The following GRK7 variants were observed in gnomAD, a reference collection of about 807,000 sequenced individuals.
GRK7 encodes the protein rhodopsin kinase GRK7.
In GRK7, 24 loss-of-function variants were observed where a neutral mutation model predicts 34.1. The observed-to-expected ratio is 0.70, with a 90% confidence interval of 0.51 to 0.99. The LOEUF (loss-of-function observed/expected upper bound fraction) is 0.99, where lower values mean the gene tolerates loss of function less well. Ranked by LOEUF, GRK7 falls within the 50% of genes least tolerant of loss-of-function variation. The pLI is 0.00. For missense variants in GRK7, 644 were observed against 707.3 expected, an observed-to-expected ratio of 0.91 and a Z score of 1.02; for synonymous variants, 256 against 279.4, an observed-to-expected ratio of 0.92 and a Z score of 0.84.
rs1286395698 is a variant in GRK7, at chr3:141,770,942, C to T, written c.-214-3638C>T. Among the ~76,000 whole-genome samples, 3 of 149,278 alleles carry T rather than the reference C, an allele frequency of 2.0e-5. No individual in the cohort carries two copies. The Admixed American group carries it at 2.0e-4, about 10-fold the overall frequency. ...AGGGGTCAAGGCTGGCTGCACTAAG[C>T]CGTGATCACACCACTGCACTCCGGC... is the stretch of plus-strand genomic sequence containing the variant. On this transcript the variant is annotated intron_variant, in intron 1 of 5. Coordinates refer to ENST00000682958, the MANE Select transcript of GRK7 (RefSeq NM_139209.3).
intron 4 of GRK7, among the ~76,000 whole-genome samples, chr3:141,792,849 T>C (rs542061889): frequency 6.6e-6 from 1 of 152,218 alleles, no homozygotes; most frequent in East Asian, 1.9e-4. Context: ...GATTAGAGGG[T>C]TAGGACTTTC....
chr3:141,793,719 C>A (rs975820341), intron 4 of GRK7, among the ~76,000 whole-genome samples: 23 of 152,204 alleles, frequency 1.5e-4, no homozygotes, highest in Admixed American at 1.5e-3. Context: ...GAAGGCAGTT[C>A]CCAGGGAGGG....
At chr3:141,804,960 C>A (rs1372994606) in intron 4 of GRK7, among the ~76,000 whole-genome samples, 1 of 150,838 alleles carries the variant, frequency 6.6e-6, no homozygotes, top group African/African-American at 2.4e-5. Flanking sequence ...CACATACACA[C>A]CACACTCACA....
At chr3:141,772,696 G>T (rs1266987046) in intron 1 of GRK7, among the ~76,000 whole-genome samples, 1 of 152,148 alleles carries the variant, frequency 6.6e-6, no homozygotes, top group Non-Finnish European at 1.5e-5. Context: ...GATGCAAAGG[G>T]TAATGAAAGA....
In GRK7 at chr3:141,778,401, G is replaced by A. The variant is rs768833186; in HGVS notation, c.117G>A (p.Leu39=). The change falls in exon 3 of 6, where the codon CTG becomes CTA. Residue 39 remains leucine (L), a synonymous_variant. Coordinates refer to ENST00000682958, the MANE Select transcript of GRK7 (RefSeq NM_139209.3). This position sits in a 1 kb window ranked among gnomAD's most constrained non-coding sequence, Gnocchi z 4.1. ...ELQRRRRSLA[L]PGLQGCAELR... The stretch of plus-strand genomic sequence containing the variant: ...AGCGGCGGCGGCGTAGCCTGGCCCT[G>A]CCCGGGCTGCAGGGCTGCGCGGAGC... The A allele has an allele frequency of 5.0e-6, 8 of 1,612,576 alleles. No individual in the cohort carries two copies. The highest frequency in any genetic ancestry group is 3.3e-4 in the Middle Eastern group (2 of 6,056).
At chr3:141,777,465 C>T (rs1182642601) in intron 2 of GRK7, among the ~76,000 whole-genome samples, 1 of 146,046 alleles carries the variant, frequency 6.8e-6, no homozygotes, top group Non-Finnish European at 1.5e-5. Context: ...GCTGGGACTA[C>T]AGGCGCCCGC....
At chr3:141,787,507 C>G (rs545702689) in intron 4 of GRK7, among the ~76,000 whole-genome samples, 1 of 151,944 alleles carries the variant, frequency 6.6e-6, no homozygotes, top group African/African-American at 2.4e-5. Context: ...ACCTGTAATC[C>G]CAGCTACTCA....
At chr3:141,772,190 G>A (rs1488628404) in intron 1 of GRK7, among the ~76,000 whole-genome samples, 1 of 151,694 alleles carries the variant, frequency 6.6e-6, no homozygotes, top group African/African-American at 2.4e-5. Context: ...CACCTCCCAG[G>A]TTCAAGCAAT....
At chr3:141,801,562 T>G (rs1162842233) in intron 4 of GRK7, among the ~76,000 whole-genome samples, 2 of 152,194 alleles carry the variant, frequency 1.3e-5, no homozygotes, top group Admixed American at 6.5e-5. Flanking sequence ...AATGATTGTA[T>G]GATTTAAGTT....
intron 2 of GRK7, among the ~76,000 whole-genome samples, chr3:141,775,697 C>T (rs1386637823): frequency 6.6e-6 from 1 of 152,064 alleles, no homozygotes; most frequent in East Asian, 1.9e-4. Context: ...TAAAATATCC[C>T]ATTGGCAACT....
chr3:141,770,786 C>T (rs752622703), intron 1 of GRK7, among the ~76,000 whole-genome samples: 5 of 152,004 alleles, frequency 3.3e-5, no homozygotes, highest in Non-Finnish European at 5.9e-5. Context: ...AAAGGGAATG[C>T]TTATACACTT....
chr3:141,788,745 C>A (rs2084708646), intron 4 of GRK7, among the ~76,000 whole-genome samples: 1 of 152,178 alleles, frequency 6.6e-6, no homozygotes, highest in Non-Finnish European at 1.5e-5. Flanking sequence ...ACTCATTCAC[C>A]ATGTCTGCCC....
chr3:141,795,414 C>A (rs2084744119), intron 4 of GRK7, among the ~76,000 whole-genome samples: 2 of 152,224 alleles, frequency 1.3e-5, no homozygotes, highest in South Asian at 4.1e-4. Context: ...CACTTGAAAA[C>A]CCTGGCATAA....
intron 1 of GRK7, among the ~76,000 whole-genome samples, chr3:141,771,897 C>T (rs1238986696): frequency 6.6e-6 from 1 of 151,612 alleles, no homozygotes; most frequent in African/African-American, 2.4e-5. Context: ...ATTGGTCAGG[C>T]TGGTCTCAAA....
chr3:141,815,073 C>T (rs1045857437), intron 5 of GRK7, among the ~76,000 whole-genome samples: 11 of 152,058 alleles, frequency 7.2e-5, no homozygotes, highest in South Asian at 6.3e-4. Flanking sequence ...TACAGGCACA[C>T]TCTGTCACAC....
intron 5 of GRK7, among the ~76,000 whole-genome samples, chr3:141,810,796 C>A (rs532062511): frequency 6.6e-6 from 1 of 152,098 alleles, no homozygotes; most frequent in Non-Finnish European, 1.5e-5. Flanking sequence ...GTCCTGCCTA[C>A]GGGTAAGGGT....
At position 141,771,730 on chromosome 3, in the gene GRK7, G is replaced by A. The variant is rs146649345; in HGVS notation, c.-214-2850G>A. 4.1e-3 allele frequency among the ~76,000 whole-genome samples: 622 copies of A among 152,150 alleles called. 9 individuals are homozygous for A. The highest frequency in any genetic ancestry group is 0.014 in the African/African-American group (597 of 41,504). ...GACTGAGTGTTGCTTTGTCACCCAG[G>A]CTGGAGAGCAGTGGCGCAATCTAGG... On this transcript the variant is annotated intron_variant, in intron 1 of 5. Transcript: ENST00000682958.
At chr3:141,790,920 A>G (rs2107884428) in intron 4 of GRK7, among the ~76,000 whole-genome samples, 1 of 152,352 alleles carries the variant, frequency 6.6e-6, no homozygotes, top group South Asian at 2.1e-4. Flanking sequence ...GTTGACATCT[A>G]CATGCACACA....
chr3:141,779,064 G>A (rs2084657606), intron 3 of GRK7, among the ~76,000 whole-genome samples, 168 bp downstream of exon 3: 1 of 152,128 alleles, frequency 6.6e-6, no homozygotes, highest in Non-Finnish European at 1.5e-5. Context: ...GTGCCATGGT[G>A]TGAAATAAAA....
Sources: allele counts gnomAD v4.1 joint callset (sites outside exome capture counted in the v4.1 genomes callset), GRCh38; gene constraint gnomAD v4.1.1; non-coding constraint Gnocchi (gnomAD v3.1); transcripts MANE v1.5; gene names NCBI Gene and HGNC (gene_info 2026-07-23, HGNC 2026-07-21).